The following LRRC7 variants were observed in gnomAD, a reference collection of about 807,000 sequenced individuals.
LRRC7 encodes leucine rich repeat containing 7, also known as leucine-rich repeat-containing protein 7.
Under a neutral mutation model 175.7 loss-of-function variants are expected in LRRC7, and 23 were observed. That is an observed-to-expected ratio of 0.13 (90% CI 0.09 to 0.19). The LOEUF (loss-of-function observed/expected upper bound fraction) is 0.19. LRRC7 is among the 10% of genes least tolerant of loss of function. The pLI is 1.00. For synonymous variants in LRRC7, 685 were observed against 680.9 expected (o/e 1.01, Z -0.09); for missense variants, 1,354 against 1,904.7 (o/e 0.71, Z 5.38).
chr1:69,896,245 A>T (rs1044380921), intron 7 of LRRC7, among the ~76,000 whole-genome samples: 2 of 152,138 alleles, frequency 1.3e-5, no homozygotes, highest in African/African-American at 4.8e-5. Context: ...TAAAGATCAA[A>T]TCAGTATAAT....
intron 3 of LRRC7, among the ~76,000 whole-genome samples, chr1:69,773,277 G>A (rs1672441766): frequency 6.6e-6 from 1 of 152,172 alleles, no homozygotes; most frequent in African/African-American, 2.4e-5. Flanking sequence ...GCATGAAGGG[G>A]AGGAATAGAT....
At chr1:69,814,732 T>G (rs1678380368) in intron 4 of LRRC7, among the ~76,000 whole-genome samples, 1 of 152,178 alleles carries the variant, frequency 6.6e-6, no homozygotes, top group South Asian at 2.1e-4. Context: ...AGAACTCATA[T>G]ATTAATATAC....
chr1:69,888,383 A>T (rs1019327941), intron 7 of LRRC7, among the ~76,000 whole-genome samples: 2 of 152,170 alleles, frequency 1.3e-5, no homozygotes, highest in African/African-American at 4.8e-5. Flanking sequence ...CCGATTTTCC[A>T]GGTGCGTCCG....
intron 2 of LRRC7, among the ~76,000 whole-genome samples, chr1:69,703,396 T>A (rs1191054279): frequency 6.6e-6 from 1 of 151,520 alleles, no homozygotes; most frequent in African/African-American, 2.4e-5. Flanking sequence ...CTAAGTATTT[T>A]AGATAAATTT....
At chr1:70,094,391 G>GT (rs1664244864) in intron 25 of LRRC7, among the ~76,000 whole-genome samples, 1 of 151,976 alleles carries the variant, frequency 6.6e-6, no homozygotes, top group South Asian at 2.1e-4. Flanking sequence ...CAAATTCATG[G>GT]TTTTTTTAAA....
chr1:69,958,353 A>G (rs942504962), intron 8 of LRRC7, among the ~76,000 whole-genome samples: 16 of 151,970 alleles, frequency 1.1e-4, no homozygotes, highest in Non-Finnish European at 1.8e-4. Context: ...CACAAGAGCA[A>G]TTTTCAGTGC....
intron 4 of LRRC7, among the ~76,000 whole-genome samples, chr1:69,804,937 A>C (rs773288778): frequency 2.0e-5 from 3 of 151,740 alleles, no homozygotes; most frequent in Non-Finnish European, 4.4e-5. Context: ...TTCAAGTCTG[A>C]TTGTTGATTT....
At chr1:69,753,780 G>A (rs1181013421) in intron 2 of LRRC7, among the ~76,000 whole-genome samples, 1 of 151,964 alleles carries the variant, frequency 6.6e-6, no homozygotes, top group African/African-American at 2.4e-5. Flanking sequence ...TTTCAATCTA[G>A]TAAAGAAGAT....
At chr1:69,720,087 G>A (rs894879788) in intron 2 of LRRC7, among the ~76,000 whole-genome samples, 3 of 151,588 alleles carry the variant, frequency 2.0e-5, no homozygotes, top group Middle Eastern at 3.4e-3. Context: ...CTTGGGTTAC[G>A]TAGTCCATTT....
chr1:70,051,044 T>C (rs984092373), intron 22 of LRRC7, among the ~76,000 whole-genome samples: 19 of 152,022 alleles, frequency 1.2e-4, no homozygotes, highest in African/African-American at 4.6e-4. Context: ...ATTCTAATTT[T>C]GAAAAGAACT....
intron 3 of LRRC7, among the ~76,000 whole-genome samples, chr1:69,773,176 GAAGA>G (rs897285845): frequency 6.6e-6 from 1 of 152,126 alleles, no homozygotes; most frequent in Non-Finnish European, 1.5e-5. Flanking sequence ...AATTAAATAA[GAAGA>G]AAGGGGGAGA....
intron 1 of LRRC7, among the ~76,000 whole-genome samples, chr1:69,589,516 A>G (rs1646546250): frequency 6.6e-6 from 1 of 152,134 alleles, no homozygotes; most frequent in African/African-American, 2.4e-5. Context: ...TAGTCTCTAA[A>G]TGGACACTTT....
intron 7 of LRRC7, among the ~76,000 whole-genome samples, chr1:69,880,579 A>G (rs1346622783): frequency 6.6e-6 from 1 of 152,160 alleles, no homozygotes; most frequent in Non-Finnish European, 1.5e-5. Flanking sequence ...TTCTCTAAGT[A>G]GCCTTTATGA....
chr1:69,595,283 G>A (rs1646796068), intron 1 of LRRC7, among the ~76,000 whole-genome samples: 1 of 152,122 alleles, frequency 6.6e-6, no homozygotes, highest in African/African-American at 2.4e-5. Flanking sequence ...AGCCGGGCGT[G>A]GTGGCGGGCA....
chr1:69,851,716 T>C (rs146609041), intron 7 of LRRC7, among the ~76,000 whole-genome samples: 105 of 152,250 alleles, frequency 6.9e-4, no homozygotes, highest in African/African-American at 2.5e-3. Flanking sequence ...AGTGGGAAAG[T>C]TAATGGACAA....
At chr1:69,846,385 T>C (rs1682371747) in intron 7 of LRRC7, among the ~76,000 whole-genome samples, 1 of 152,128 alleles carries the variant, frequency 6.6e-6, no homozygotes, top group African/African-American at 2.4e-5. Flanking sequence ...TGTATTCAAA[T>C]TGCTCTTTTC....
chr1:69,672,915 T>A (rs1659283695), intron 1 of LRRC7, among the ~76,000 whole-genome samples: 1 of 152,206 alleles, frequency 6.6e-6, no homozygotes, highest in African/African-American at 2.4e-5. Flanking sequence ...TCCAGGCAAC[T>A]TGGCAAGCCT....
At chr1:69,925,702 T>C (rs1366344595) in intron 7 of LRRC7, among the ~76,000 whole-genome samples, 1 of 152,210 alleles carries the variant, frequency 6.6e-6, no homozygotes, top group Non-Finnish European at 1.5e-5. Context: ...TCTTCTTTAT[T>C]AGTCTTGCTA....
At chr1:69,862,882 G>T (rs2101541128) in intron 7 of LRRC7, among the ~76,000 whole-genome samples, 1 of 151,632 alleles carries the variant, frequency 6.6e-6, no homozygotes, top group Non-Finnish European at 1.5e-5. Context: ...GTGTCCATGT[G>T]TTCTCATTGT....
Sources: allele counts gnomAD v4.1 joint callset (sites outside exome capture counted in the v4.1 genomes callset), GRCh38; gene constraint gnomAD v4.1.1; transcripts MANE v1.5; gene names NCBI Gene and HGNC (gene_info 2026-07-23, HGNC 2026-07-21).